Variants in HERC6 observed in about 807,000 individuals in gnomAD.
HERC6 encodes the protein HECT and RLD domain containing E3 ubiquitin protein ligase family member 6.
Under a neutral mutation model 114.5 loss-of-function variants are expected in HERC6, and 101 were observed. That is an observed-to-expected ratio of 0.88 (90% CI 0.75 to 1.04). The LOEUF is 1.04. HERC6 is among the 50% of genes least tolerant of loss of function. The pLI is 0.00. For missense variants in HERC6, 1,133 were observed against 1,230.9 expected, an observed-to-expected ratio of 0.92 and a Z score of 1.19; for synonymous variants, 408 against 436.2, an observed-to-expected ratio of 0.94 and a Z score of 0.81.
chr4:88,411,727 C>T (rs896713307), intron 11 of HERC6, among the ~76,000 whole-genome samples: 32 of 152,272 alleles, frequency 2.1e-4, no homozygotes, highest in African/African-American at 6.0e-4. Context: ...GTCAGAGGCA[C>T]CTTTGCACAG....
intron 13 of HERC6, among the ~76,000 whole-genome samples, chr4:88,422,858 T>C (rs1737200582): frequency 6.6e-6 from 1 of 152,166 alleles, no homozygotes; most frequent in African/African-American, 2.4e-5. Flanking sequence ...GTCTGGAAAT[T>C]TCTTTGTCGG....
intron 10 of HERC6, among the ~76,000 whole-genome samples, chr4:88,406,753 ATTAT>A (rs968260913): frequency 8.6e-5 from 13 of 151,888 alleles, no homozygotes; most frequent in Admixed American, 2.0e-4. Context: ...TTGTTTTTTT[ATTAT>A]TTATTTATTT....
At chr4:88,414,731 G>A (rs991362123) in intron 12 of HERC6, among the ~76,000 whole-genome samples, 2 of 152,158 alleles carry the variant, frequency 1.3e-5, no homozygotes, top group African/African-American at 4.8e-5. Flanking sequence ...CAGTGAGGAC[G>A]ACCAGAGGTC....
intron 2 of HERC6, among the ~76,000 whole-genome samples, chr4:88,384,151 A>G (rs188440875): frequency 1.8e-4 from 27 of 152,264 alleles, no homozygotes; most frequent in Admixed American, 5.2e-4. Flanking sequence ...ACCACCCATT[A>G]CTATTACCAT....
chr4:88,419,351 A>G (rs866946824), intron 13 of HERC6, among the ~76,000 whole-genome samples: 1 of 152,200 alleles, frequency 6.6e-6, no homozygotes, highest in Non-Finnish European at 1.5e-5. Context: ...CATCATCCTC[A>G]TTCTGCTTTG....
At chr4:88,431,480 G>A (rs1486781783) in intron 17 of HERC6, among the ~76,000 whole-genome samples, 175 bp downstream of exon 17, 1 of 152,116 alleles carries the variant, frequency 6.6e-6, no homozygotes, top group Non-Finnish European at 1.5e-5. Context: ...TTGGGGAGCT[G>A]TTAGAAAAGC....
chr4:88,422,726 C>T (rs1314025097), intron 13 of HERC6, among the ~76,000 whole-genome samples: 1 of 152,082 alleles, frequency 6.6e-6, no homozygotes, highest in Non-Finnish European at 1.5e-5. Context: ...GGTTTCTGGA[C>T]CAGGTAATGC....
intron 7 of HERC6, among the ~76,000 whole-genome samples, chr4:88,397,564 G>T (rs1735310581): frequency 6.6e-6 from 1 of 151,918 alleles, no homozygotes; most frequent in Non-Finnish European, 1.5e-5. Context: ...GGGCGTGGTG[G>T]TGCAAGCCTG....
chr4:88,385,066 C>T (rs562397897), intron 2 of HERC6, among the ~76,000 whole-genome samples: 9 of 151,720 alleles, frequency 5.9e-5, no homozygotes, highest in African/African-American at 2.2e-4. Flanking sequence ...TGGTTTTGAT[C>T]CACAAAAATG....
At chr4:88,406,526 G>A (rs949857917) in intron 10 of HERC6, among the ~76,000 whole-genome samples, 6 of 152,278 alleles carry the variant, frequency 3.9e-5, no homozygotes, top group African/African-American at 1.4e-4. Flanking sequence ...TACTGCATGT[G>A]GGAAAATCTT....
intron 8 of HERC6, among the ~76,000 whole-genome samples, chr4:88,403,532 A>G (rs1003081846): frequency 6.6e-6 from 1 of 152,218 alleles, no homozygotes; most frequent in Non-Finnish European, 1.5e-5. Context: ...AGGCGGGTGG[A>G]TCACGAGGTC....
At chr4:88,395,696 T>TA (rs1212229801) in intron 5 of HERC6, among the ~76,000 whole-genome samples, 2 of 151,872 alleles carry the variant, frequency 1.3e-5, no homozygotes, top group East Asian at 1.9e-4. Flanking sequence ...TTTTTTTTTT[T>TA]AAATTTGTGT....
chr4:88,421,819 GA>G lies in HERC6; in HGVS notation c.1714-2040del, dbSNP rs1255788555. Among the ~76,000 whole-genome samples, 10 of 152,276 alleles carry G rather than the reference GA, an allele frequency of 6.6e-5. 1 individual carries two copies. The highest frequency in any genetic ancestry group is 2.2e-4 in the African/African-American group (9 of 41,562). On this transcript the variant is annotated intron_variant, in intron 13 of 22. Coordinates refer to ENST00000264346, the MANE Select transcript of HERC6 (RefSeq NM_017912.4). ...ATAGTTATCCTAGTGAGTGGGAAAT[GA>G]TATTTCCTTGTGATTTTGACTTGTA...
In HERC6 at chr4:88,423,863, A is replaced by C; in HGVS notation, c.1717A>C (p.Asn573His). The change falls in exon 14 of 23, where the codon AAC becomes CAC. Residue 573 changes from asparagine (N) to histidine (H), a missense_variant. By Grantham distance (68) the Asn-to-His change is moderately conservative (BLOSUM62 1). Coordinates refer to ENST00000264346, the MANE Select transcript of HERC6 (RefSeq NM_017912.4). Reference protein sequence around the residue: ...LGMMKELHKVNKANCRLPENT... With the variant: ...LGMMKELHKVHKANCRLPENT... Reference sequence around the variant, plus strand: ...CACAGGTCATATTCTCTTTAAGGTAAACAAAGCTAACTGTCGACTACCAGA... The same window carrying C: ...CACAGGTCATATTCTCTTTAAGGTACACAAAGCTAACTGTCGACTACCAGA... 1 of 1,497,248 alleles carries C rather than the reference A, an allele frequency of 6.7e-7. No homozygotes were observed. The highest frequency in any genetic ancestry group is 9.0e-7 in the Non-Finnish European group (1 of 1,109,772). The allele number at this position is 1,497,248 out of a possible 1,614,324, so 92.7% of individuals were successfully genotyped here.
chr4:88,392,343 G>T (rs2148877360), intron 4 of HERC6, among the ~76,000 whole-genome samples: 1 of 150,762 alleles, frequency 6.6e-6, no homozygotes, highest in South Asian at 2.1e-4. Flanking sequence ...TCAGGCATGA[G>T]GGTCTTGAAG....
At position 88,390,195 on chromosome 4, in the gene HERC6, A is replaced by G. The variant is rs868363186; in HGVS notation, c.437-457A>G. On this transcript the variant is annotated intron_variant, in intron 3 of 22. Transcript: ENST00000264346. ...TCTGTATCAAAAAAAAAAAAAAAAA[A>G]AAAAAAGAAAGTCAAACTCAATAAA... Among the ~76,000 whole-genome samples the G allele has an allele frequency of 4.6e-5, 7 of 151,276 alleles. No individual in the cohort carries two copies. The South Asian group carries it at 1.3e-3, about 27-fold the overall frequency.
At chr4:88,379,244 G>A (rs1410041915) in intron 1 of HERC6, 124 bp downstream of exon 1, 2 of 766,586 alleles carry the variant, frequency 2.6e-6, no homozygotes, top group Non-Finnish European at 4.0e-6. Context: ...CGGGGGCCCA[G>A]GTGCAGGGAG....
At chr4:88,386,354 C>A (rs538696295) in intron 3 of HERC6, among the ~76,000 whole-genome samples, 2 of 151,904 alleles carry the variant, frequency 1.3e-5, no homozygotes, top group South Asian at 4.2e-4. Flanking sequence ...CACAGGTGTG[C>A]GCCACCATGC....
chr4:88,420,181 G>A (rs1428803413), intron 13 of HERC6, among the ~76,000 whole-genome samples: 1 of 152,070 alleles, frequency 6.6e-6, no homozygotes, highest in Non-Finnish European at 1.5e-5. Flanking sequence ...GCGCTTTGTA[G>A]TACTCCTTGT....
Sources: gnomAD v4.1 joint callset for allele counts (sites outside exome capture counted in the v4.1 genomes callset) on GRCh38, gnomAD v4.1.1 for gene constraint, MANE v1.5 for transcripts, NCBI Gene and HGNC (gene_info 2026-07-23, HGNC 2026-07-21) for gene names.